The following NRG3 variants were observed in gnomAD, a reference collection of about 807,000 sequenced individuals.
The protein encoded by NRG3 is neuregulin 3.
A neutral mutation model predicts 66.9 loss-of-function variants in NRG3; 31 were observed. The ratio of observed to expected loss-of-function variants is 0.46; its 90% CI spans 0.35 to 0.63. The LOEUF is 0.63. Among genes scored for constraint, NRG3 ranks in the 20% least tolerant of loss-of-function variants. NRG3 has a pLI of 0.00. For synonymous variants in NRG3, 393 were observed against 359.4 expected (o/e 1.09, Z -1.06); for missense variants, 910 against 878.9 (o/e 1.04, Z -0.45).
chr10:82,130,615 T>C (rs1173554865), intron 1 of NRG3, among the ~76,000 whole-genome samples: 1 of 152,174 alleles, frequency 6.6e-6, no homozygotes. Context: ...GAGGAACCTC[T>C]ATATTGTTCT....
chr10:82,410,688 G>C (rs868081213), intron 2 of NRG3, among the ~76,000 whole-genome samples: 1 of 151,850 alleles, frequency 6.6e-6, no homozygotes, highest in Non-Finnish European at 1.5e-5. Flanking sequence ...TAATTTAAAA[G>C]GGCAAATGTT....
At chr10:82,782,299 C>T (rs2060148642) in intron 3 of NRG3, among the ~76,000 whole-genome samples, 1 of 152,064 alleles carries the variant, frequency 6.6e-6, no homozygotes, top group Admixed American at 6.6e-5. Context: ...AAGCTCAGCC[C>T]CTTCCCTTGT....
At chr10:82,218,004 T>C (rs1009745826) in intron 1 of NRG3, among the ~76,000 whole-genome samples, 2 of 152,224 alleles carry the variant, frequency 1.3e-5, no homozygotes, top group Non-Finnish European at 2.9e-5. Context: ...GGATATTTCC[T>C]AGATAATTTA....
At chr10:82,575,885 G>A (rs2045997949) in intron 2 of NRG3, among the ~76,000 whole-genome samples, 1 of 151,668 alleles carries the variant, frequency 6.6e-6, no homozygotes, top group African/African-American at 2.4e-5. Context: ...TCATGCATGA[G>A]TGAAGCTTCA....
At chr10:82,237,927 G>T (rs1263770102) in intron 1 of NRG3, among the ~76,000 whole-genome samples, 1 of 152,096 alleles carries the variant, frequency 6.6e-6, no homozygotes, top group South Asian at 2.1e-4. Flanking sequence ...TTGAGGTTTA[G>T]TGCACAGCAA....
intron 3 of NRG3, among the ~76,000 whole-genome samples, chr10:82,838,201 C>A (rs1459142662): frequency 6.6e-6 from 1 of 152,060 alleles, no homozygotes; most frequent in Non-Finnish European, 1.5e-5. Context: ...CTGATACATA[C>A]AGAGGGAAGC....
intron 2 of NRG3, among the ~76,000 whole-genome samples, chr10:82,442,993 G>T (rs2090521837): frequency 6.6e-6 from 1 of 151,902 alleles, no homozygotes; most frequent in South Asian, 2.1e-4. Context: ...TAAATCAGCA[G>T]TGGAACTTTC....
intron 3 of NRG3, among the ~76,000 whole-genome samples, chr10:82,760,153 C>CTT (rs36079306): frequency 3.9e-5 from 6 of 152,070 alleles, no homozygotes; most frequent in Non-Finnish European, 7.4e-5. Context: ...GCATGGGAAC[C>CTT]TTTTTGCCTG....
intron 2 of NRG3, among the ~76,000 whole-genome samples, chr10:82,548,488 T>C (rs2044079823): frequency 6.7e-6 from 1 of 149,354 alleles, no homozygotes; most frequent in East Asian, 2.0e-4. Context: ...ATAGCAATAA[T>C]AAGACAAACA....
chr10:82,790,480 T>C (rs984585341), intron 3 of NRG3, among the ~76,000 whole-genome samples: 4 of 152,126 alleles, frequency 2.6e-5, no homozygotes, highest in Non-Finnish European at 2.9e-5. Flanking sequence ...ATGACTCCTT[T>C]TTTCGATACC....
intron 2 of NRG3, among the ~76,000 whole-genome samples, chr10:82,570,040 A>G (rs1225950021): frequency 6.6e-6 from 1 of 151,670 alleles, no homozygotes; most frequent in Non-Finnish European, 1.5e-5. Context: ...AAGTACTGAC[A>G]TGCTGCAAAC....
intron 1 of NRG3, among the ~76,000 whole-genome samples, chr10:82,338,705 G>A (rs2082520387): frequency 6.6e-6 from 1 of 152,190 alleles, no homozygotes; most frequent in South Asian, 2.1e-4. Context: ...TGTGCTTGGT[G>A]CCAAGCACTG....
At chr10:82,376,260 C>T (rs184175249) in intron 2 of NRG3, among the ~76,000 whole-genome samples, 15 of 152,286 alleles carry the variant, frequency 9.8e-5, no homozygotes, top group African/African-American at 3.1e-4. Context: ...ATAGCCCGAA[C>T]ACATGCAGAG....
intron 1 of NRG3, among the ~76,000 whole-genome samples, chr10:82,019,118 C>T (rs1050618562): frequency 1.3e-5 from 2 of 152,060 alleles, no homozygotes; most frequent in African/African-American, 4.8e-5. Context: ...CCATCAATAC[C>T]TAATTTATTG....
chr10:82,034,050 G>T (rs1277645247), intron 1 of NRG3, among the ~76,000 whole-genome samples: 4 of 152,014 alleles, frequency 2.6e-5, no homozygotes, highest in Non-Finnish European at 5.9e-5. Context: ...TACTTTTCTG[G>T]TATTTCTGGC....
chr10:82,491,094 C>A (rs2132246394), intron 2 of NRG3, among the ~76,000 whole-genome samples: 1 of 151,738 alleles, frequency 6.6e-6, no homozygotes, highest in East Asian at 1.9e-4. Flanking sequence ...CACATTCCAG[C>A]TGTAGGATGT....
intron 3 of NRG3, among the ~76,000 whole-genome samples, chr10:82,765,096 G>A (rs2059468093): frequency 1.3e-5 from 2 of 152,060 alleles, no homozygotes; most frequent in African/African-American, 2.4e-5. Flanking sequence ...GAAAGGGTTT[G>A]AACTATTTTA....
chr10:82,121,542 C>T (rs1220496649), intron 1 of NRG3, among the ~76,000 whole-genome samples: 1 of 152,150 alleles, frequency 6.6e-6, no homozygotes, highest in African/African-American at 2.4e-5. Context: ...TGCGTGTCCT[C>T]TGGTGCTACT....
intron 7 of NRG3, 128 bp from the exon 8 acceptor site, chr10:82,978,822 C>A: frequency 1.1e-6 from 1 of 893,222 alleles, no homozygotes. Flanking sequence ...CAGGGATGGC[C>A]CTGGCCTAGA....
Sources: allele counts gnomAD v4.1 joint callset (sites outside exome capture counted in the v4.1 genomes callset), GRCh38; gene constraint gnomAD v4.1.1; transcripts MANE v1.5; gene names NCBI Gene and HGNC (gene_info 2026-07-23, HGNC 2026-07-21).